Variants in SMG1 observed in about 807,000 individuals in gnomAD.
The protein encoded by SMG1 is SMG1 nonsense mediated mRNA decay associated PI3K related kinase.
A neutral mutation model predicts 419.9 loss-of-function variants in SMG1; 22 were observed. The observed-to-expected ratio is 0.05, with a 90% confidence interval of 0.04 to 0.07. SMG1 has a LOEUF of 0.07. SMG1 is among the 10% of genes least tolerant of loss of function. SMG1 has a pLI of 1.00. For missense variants in SMG1, 3,185 were observed against 4,342.0 expected, an observed-to-expected ratio of 0.73 and a Z score of 7.49; for synonymous variants, 1,538 against 1,553.5, an observed-to-expected ratio of 0.99 and a Z score of 0.23.
chr16:18,816,114 C>T, intron 58 of SMG1, 188 bp downstream of exon 58: 1 of 593,942 alleles, frequency 1.7e-6, no homozygotes, highest in South Asian at 2.1e-5. Flanking sequence ...GTATGAAATT[C>T]AAACTACTAC....
At chr16:18,855,949 T>C (rs1355898016) in intron 29 of SMG1, among the ~76,000 whole-genome samples, 2 of 152,160 alleles carry the variant, frequency 1.3e-5, no homozygotes, top group Non-Finnish European at 2.9e-5. Flanking sequence ...TCAATTCCAA[T>C]CTCAATCTCA....
intron 60 of SMG1, among the ~76,000 whole-genome samples, chr16:18,812,821 TC>T (rs2031594783): frequency 1.3e-5 from 2 of 151,892 alleles, no homozygotes; most frequent in African/African-American, 2.4e-5. Flanking sequence ...CCCTCTCCTG[TC>T]CCCCCACCCA....
At chr16:18,916,845 C>A (rs563173986) in intron 1 of SMG1, among the ~76,000 whole-genome samples, 171 of 152,070 alleles carry the variant, frequency 1.1e-3, no homozygotes, top group African/African-American at 4.0e-3. Context: ...AAGGGTGGTC[C>A]AATGAAAGGA....
intron 42 of SMG1, 86 bp from the exon 43 acceptor site, chr16:18,838,775 A>C: frequency 1.2e-6 from 1 of 865,246 alleles, no homozygotes; most frequent in Non-Finnish European, 1.8e-6. Flanking sequence ...AAATTTACAA[A>C]GCACCATTAA....
At chr16:18,817,747 C>A (rs1029550670) in intron 56 of SMG1, among the ~76,000 whole-genome samples, 1 of 152,108 alleles carries the variant, frequency 6.6e-6, no homozygotes, top group African/African-American at 2.4e-5. Context: ...AATATTTACT[C>A]CACAATAAAG....
chr16:18,904,703 G>A (rs1407972277), intron 1 of SMG1, among the ~76,000 whole-genome samples: 4 of 152,096 alleles, frequency 2.6e-5, no homozygotes, highest in African/African-American at 7.2e-5. Context: ...TTGGGAGGCC[G>A]AGGTGGGTGG....
In SMG1 at chr16:18,842,469, T is replaced by G. The variant is rs147902508; in HGVS notation, c.6220-15A>C. The G allele has an allele frequency of 1.9e-4, 301 of 1,607,522 alleles. 1 individual carries two copies. In the East Asian group the frequency reaches 6.6e-3, roughly 35 times the overall value. On this transcript the variant is annotated splice_polypyrimidine_tract_variant and intron_variant, in intron 39 of 62. Transcript: ENST00000446231. ...CTTAGCATTATCTATATTCATAAGA[T>G]GGGAGAAACAAATTTACATTACATT...
chr16:18,850,154 T>C lies in SMG1; in HGVS notation c.5284-28A>G, dbSNP rs375425623. The C allele has an allele frequency of 9.4e-6, 15 of 1,601,660 alleles. No individual in the cohort carries two copies. In the African/African-American group the frequency reaches 1.3e-4, roughly 14 times the overall value. ...AAGAGTGAAAGATGAGGGGAATAAA[T>C]AAGAAAATAACTCAGAACACTACTT... On this transcript the variant is annotated intron_variant, in intron 34 of 62. Transcript: ENST00000446231.
chr16:18,827,613 C>A (rs1313049952), intron 55 of SMG1, among the ~76,000 whole-genome samples: 1 of 134,866 alleles, frequency 7.4e-6, no homozygotes, highest in Non-Finnish European at 1.6e-5. Context: ...TATAAATATA[C>A]CAAAATATAT....
intron 38 of SMG1, 71 bp downstream of exon 38, chr16:18,847,382 A>G: frequency 1.3e-5 from 20 of 1,541,416 alleles, no homozygotes; most frequent in Non-Finnish European, 1.8e-5. Context: ...AAAATAGTAA[A>G]TTTTATGTTA....
At position 18,849,445 on chromosome 16, in the gene SMG1, G is replaced by A. The variant is rs1004320866; in HGVS notation, c.5462-67C>T. On this transcript the variant is annotated intron_variant, in intron 35 of 62. Coordinates refer to ENST00000446231, the MANE Select transcript of SMG1 (RefSeq NM_015092.5). Reference sequence around the variant, plus strand: ...AAACTATGAAGAAACTATCAGCATCGTAGATCAAACAGATAAAACGTGATG... The same window carrying A: ...AAACTATGAAGAAACTATCAGCATCATAGATCAAACAGATAAAACGTGATG... 9 of 1,452,012 alleles carry A rather than the reference G, an allele frequency of 6.2e-6. No homozygotes were observed. In the African/African-American group the frequency reaches 9.8e-5, roughly 16 times the overall value. The allele number at this position is 1,452,012 out of a possible 1,614,324, so 89.9% of individuals were successfully genotyped here. A position where few individuals can be genotyped will look rare whatever the true frequency, so the allele number is the denominator to read the frequency against.
intron 1 of SMG1, among the ~76,000 whole-genome samples, chr16:18,923,878 A>C (rs1405987376): frequency 2.0e-5 from 3 of 152,124 alleles, no homozygotes; most frequent in Admixed American, 2.0e-4. Context: ...AAATTTAACT[A>C]ATAAAAATTT....
rs756437130 is a variant in SMG1, at chr16:18,842,298, C to T, written c.6376G>A (p.Gly2126Arg). 19 of 1,613,828 alleles carry T rather than the reference C, an allele frequency of 1.2e-5. No individual in the cohort carries two copies. The Admixed American group carries it at 1.3e-4, about 11-fold the overall frequency. ...RDTVTIHSVG[G>R]TITILPTKTK... Reference sequence around the variant, plus strand: ...TTAGTCGGTAAGATTGTGATGGTTCCGCCCACACTATGGATTGTGACAGTG... The same window carrying T: ...TTAGTCGGTAAGATTGTGATGGTTCTGCCCACACTATGGATTGTGACAGTG... Residue 2126 changes from glycine (G) to arginine (R), a missense_variant, in exon 40 of 63, where the codon GGA becomes AGA. Physicochemically the swap from Gly to Arg is moderately radical, Grantham distance 125. Coordinates refer to ENST00000446231, the MANE Select transcript of SMG1 (RefSeq NM_015092.5).
intron 1 of SMG1, among the ~76,000 whole-genome samples, chr16:18,905,698 C>T (rs2037533793): frequency 6.6e-6 from 1 of 151,662 alleles, no homozygotes; most frequent in Non-Finnish European, 1.5e-5. Flanking sequence ...CTGCAACCTC[C>T]ACCTCCAGGT....
At chr16:18,840,863 GT>G (rs1427321801) in intron 41 of SMG1, among the ~76,000 whole-genome samples, 1 of 152,146 alleles carries the variant, frequency 6.6e-6, no homozygotes. Context: ...TTTGTCTCAA[GT>G]TAAGATAAAC....
At chr16:18,812,915 C>T (rs1052833496) in intron 60 of SMG1, among the ~76,000 whole-genome samples, 6 of 152,082 alleles carry the variant, frequency 3.9e-5, no homozygotes, top group African/African-American at 7.2e-5. Context: ...TGAGAACATG[C>T]GGTGTTTGGT....
rs192103308 is a variant in SMG1, at chr16:18,844,523, G to A, written c.6219+906C>T. On this transcript the variant is annotated intron_variant, in intron 39 of 62. Coordinates refer to ENST00000446231, the MANE Select transcript of SMG1 (RefSeq NM_015092.5). ...CACACACACACACACACACACACAC[G>A]GAAACTCGAGTTTTGGCAAGAACAC... Among the ~76,000 whole-genome samples, 100 of 66,968 alleles carry A rather than the reference G, an allele frequency of 1.5e-3. 1 individual carries two copies. The highest frequency in any genetic ancestry group is 1.8e-3 in the Non-Finnish European group (69 of 37,438). The allele number at this position is 66,968 out of a possible 152,430, so 43.9% of individuals were successfully genotyped here. A position where few individuals can be genotyped will look rare whatever the true frequency, so the allele number is the denominator to read the frequency against.
Position 18,925,936 on chromosome 16 carries a change from G to C in SMG1, c.92+14C>G. On this transcript the variant is annotated intron_variant, in intron 1 of 62. Transcript: ENST00000446231. Reference sequence around the variant, plus strand: ...CCCGGGAGGTCGGGGCGGGGTCCCGGGCCGGTCACCCACCTGGGTTGCCAG... The same window carrying C: ...CCCGGGAGGTCGGGGCGGGGTCCCGCGCCGGTCACCCACCTGGGTTGCCAG... The C allele has an allele frequency of 6.5e-7, 1 of 1,535,804 alleles. No homozygotes were observed. The highest frequency in any genetic ancestry group is 1.4e-5 in the African/African-American group (1 of 70,610).
At chr16:18,918,834 T>C (rs544926829) in intron 1 of SMG1, among the ~76,000 whole-genome samples, 1 of 151,968 alleles carries the variant, frequency 6.6e-6, no homozygotes, top group Admixed American at 6.6e-5. Flanking sequence ...CTGGCCAACC[T>C]GGCGAAACCC....
Sources: allele counts gnomAD v4.1 joint callset (sites outside exome capture counted in the v4.1 genomes callset), GRCh38; gene constraint gnomAD v4.1.1; transcripts MANE v1.5; gene names NCBI Gene and HGNC (gene_info 2026-07-23, HGNC 2026-07-21).